Variants in TASOR2 observed in about 807,000 individuals in gnomAD.
The protein encoded by TASOR2 is transcription activation suppressor family member 2, also known as protein TASOR 2.
TASOR2 carries 84 observed loss-of-function variants against 199.5 expected under a neutral mutation model. That is an observed-to-expected ratio of 0.42 (90% CI 0.35 to 0.50). The LOEUF is 0.50. TASOR2 is among the 20% of genes least tolerant of loss of function. The pLI is 0.02. For synonymous variants in TASOR2, 1,103 were observed against 1,046.6 expected (o/e 1.05, Z -1.04); for missense variants, 2,796 against 2,835.9 (o/e 0.99, Z 0.32).
intron 3 of TASOR2, among the ~76,000 whole-genome samples, chr10:5,718,784 G>C (rs956559902): frequency 1.8e-4 from 28 of 151,568 alleles, no homozygotes; most frequent in African/African-American, 6.8e-4. Context: ...AAAAAGTGGT[G>C]GGGGAGTAAC....
intron 1 of TASOR2, among the ~76,000 whole-genome samples, chr10:5,697,373 C>G (rs186491036): frequency 1.3e-5 from 2 of 152,120 alleles, no homozygotes; most frequent in Non-Finnish European, 2.9e-5. Flanking sequence ...GATAAAGTTG[C>G]GCAGAAGAAG....
At position 5,748,616 on chromosome 10, in the gene TASOR2, C is replaced by T. The variant is rs200385091; in HGVS notation, c.5195C>T (p.Thr1732Met). 264 of 1,614,126 alleles carry T rather than the reference C, an allele frequency of 1.6e-4. 1 individual carries two copies. Among genetic ancestry groups the T allele is most frequent in the South Asian group, 1.2e-3 (107 of 91,078 alleles). Residue 1732 changes from threonine (T) to methionine (M), a missense_variant, in exon 15 of 21, where the codon ACG (threonine) becomes ATG (methionine). By Grantham distance (81) the Thr-to-Met change is moderately conservative. Around this residue, in one of 3 missense-constraint regions of TASOR2, gnomAD observed 1,941 missense variants for 1,924.9 expected, o/e 1.01. Coordinates refer to ENST00000328090, the Ensembl canonical transcript of TASOR2. The surrounding 1 kb of genome is among the most constrained non-coding windows in gnomAD (Gnocchi z 5.1). ...AAAGGTGAACGCAAAGCCATCCACA[C>T]GCTGCAAGATGTGTCAACATGTGAA... is the stretch of plus-strand genomic sequence containing the variant.
At chr10:5,761,383 T>C in exon 19 of TASOR2, 1 of 1,614,068 alleles carries the variant, frequency 6.2e-7, no homozygotes, top group Non-Finnish European at 8.5e-7. Context: ...AGTGTGACTC[T>C]CGATCATCAA....
intron 19 of TASOR2, 129 bp downstream of exon 20, chr10:5,761,600 C>G (rs1467101977): frequency 5.4e-6 from 4 of 747,328 alleles, no homozygotes; most frequent in African/African-American, 1.8e-5. Flanking sequence ...CCAGAATCAC[C>G]CAAATCTGCT....
In TASOR2 at chr10:5,690,748, A is replaced by G. The variant is rs1424282259; in HGVS notation, c.-288+5573A>G. ...TGCAATAAGTATATTAATGAATACG[A>G]TACAACCATTTTATACAGGCAAAAG... is the stretch of plus-strand genomic sequence containing the variant. On this transcript the variant is annotated intron_variant, in intron 1 of 20. Coordinates refer to ENST00000328090, the Ensembl canonical transcript of TASOR2. This position sits in a 1 kb window ranked among gnomAD's most constrained non-coding sequence, Gnocchi z 4.8. Among the ~76,000 whole-genome samples, 4 of 152,236 alleles carry G rather than the reference A, an allele frequency of 2.6e-5. No homozygotes were observed. The highest frequency in any genetic ancestry group is 5.9e-5 in the Non-Finnish European group (4 of 68,038).
Position 5,706,896 on chromosome 10 carries a change from G to A in TASOR2, c.-287-5927G>A, listed in dbSNP as rs1003927276. Among the ~76,000 whole-genome samples, 7 of 152,004 alleles carry A rather than the reference G, an allele frequency of 4.6e-5. No individual in the cohort carries two copies. Among genetic ancestry groups the A allele is most frequent in the African/African-American group, 1.5e-4 (6 of 41,366 alleles). The stretch of plus-strand genomic sequence containing the variant: ...TGGGCACTTGTAATCCCAGCTACAC[G>A]GGAGGCCGAGGCAAGAGAGTTGCTT... On this transcript the variant is annotated intron_variant, in intron 1 of 20. Transcript: ENST00000328090. The surrounding 1 kb of genome is among the most constrained non-coding windows in gnomAD (Gnocchi z 4.8).
chr10:5,717,365 G>C (rs1832791693), intron 2 of TASOR2, among the ~76,000 whole-genome samples: 1 of 151,676 alleles, frequency 6.6e-6, no homozygotes, highest in Admixed American at 6.6e-5. Context: ...CTCCCTACCT[G>C]AGTGACTTAT....
At chr10:5,724,080 T>G (rs1247246312) in intron 7 of TASOR2, among the ~76,000 whole-genome samples, 2 of 152,162 alleles carry the variant, frequency 1.3e-5, no homozygotes, top group Non-Finnish European at 2.9e-5. Context: ...AGGACAGAGT[T>G]TTTGTTGGTT....
intron 1 of TASOR2, among the ~76,000 whole-genome samples, chr10:5,704,743 C>G (rs909123965): frequency 6.6e-6 from 1 of 152,082 alleles, no homozygotes; most frequent in Non-Finnish European, 1.5e-5. Context: ...TTGAAATGAA[C>G]AGTTTCTTAT....
rs747404257 is a variant in TASOR2, at chr10:5,730,978, G to A, written c.979G>A (p.Glu327Lys). 1 of 1,614,054 alleles carries A rather than the reference G, an allele frequency of 6.2e-7. No individual in the cohort carries two copies. Among genetic ancestry groups the A allele is most frequent in the Non-Finnish European group, 8.5e-7 (1 of 1,180,016 alleles). Residue 327 changes from glutamate to lysine, a missense_variant, in exon 11 of 21, where the codon GAA becomes AAA. Around this residue, in one of 3 missense-constraint regions of TASOR2, gnomAD observed 847 missense variants for 887.4 expected, o/e 0.95. Coordinates refer to ENST00000328090, the Ensembl canonical transcript of TASOR2. This position sits in a 1 kb window ranked among gnomAD's most constrained non-coding sequence, Gnocchi z 4.1. The stretch of plus-strand genomic sequence containing the variant: ...AGAAACTGAAACAAAAAAGGATTCT[G>A]AAGAAATGTTGAAAGCAAAGAAGAG...
chr10:5,733,130 C>T (rs1173773109), intron 11 of TASOR2, among the ~76,000 whole-genome samples: 2 of 152,036 alleles, frequency 1.3e-5, no homozygotes, highest in Non-Finnish European at 2.9e-5. Flanking sequence ...TATTCCGGTA[C>T]CTACAAGTTC....
chr10:5,718,761 C>CAAA (rs35051277), intron 3 of TASOR2, among the ~76,000 whole-genome samples: 1 of 134,658 alleles, frequency 7.4e-6, no homozygotes, highest in African/African-American at 2.8e-5. Context: ...AACTCTGTCT[C>CAAA]AAAAAAAAAA....
intron 1 of TASOR2, among the ~76,000 whole-genome samples, chr10:5,694,175 T>C (rs1836853626): frequency 6.6e-6 from 1 of 151,838 alleles, no homozygotes; most frequent in East Asian, 1.9e-4. Flanking sequence ...GAAAAATCCA[T>C]GTAGCTGCCA....
At position 5,748,892 on chromosome 10, in the gene TASOR2, A is replaced by G. The variant is rs893717917; in HGVS notation, c.5471A>G (p.Tyr1824Cys). Residue 1824 changes from tyrosine to cysteine, a missense_variant, in exon 15 of 21, where the codon TAT (tyrosine) becomes TGT (cysteine). Physicochemically the swap from Tyr to Cys is radical, Grantham distance 194. Coordinates refer to ENST00000328090, the Ensembl canonical transcript of TASOR2. The surrounding 1 kb of genome is among the most constrained non-coding windows in gnomAD (Gnocchi z 5.1). ...GTCGGTGTGAATTCCGACATGCACT[A>G]TGAACTCTCTGGAGATTCTGATCTA... is the stretch of plus-strand genomic sequence containing the variant. 1.4e-5 allele frequency: 22 copies of G among 1,614,074 alleles called. No homozygotes were observed. The highest frequency in any genetic ancestry group is 1.6e-4 in the Middle Eastern group (1 of 6,084).
At position 5,688,326 on chromosome 10, in the gene TASOR2, A is replaced by G. The variant is rs1400984180; in HGVS notation, c.-288+3151A>G. ...TACAGCCTCCAACTCCTGGGTTCAA[A>G]CAATCCTGCCTCAGCCTCCTGAGTA... On this transcript the variant is annotated intron_variant, in intron 1 of 20. Coordinates refer to ENST00000328090, the Ensembl canonical transcript of TASOR2. Among the ~76,000 whole-genome samples the G allele has an allele frequency of 2.6e-5, 4 of 151,836 alleles. No homozygotes were observed. The East Asian group carries it at 7.7e-4, about 29-fold the overall frequency.
chr10:5,723,155 C>T (rs1588725649), intron 6 of TASOR2, among the ~76,000 whole-genome samples: 1 of 148,442 alleles, frequency 6.7e-6, no homozygotes, highest in East Asian at 2.1e-4. Context: ...GGGTTCACGC[C>T]ATTCTCCTGC....
In TASOR2 at chr10:5,742,674, A is replaced by G. The variant is rs994686973; in HGVS notation, c.2757+148A>G. The G allele has an allele frequency of 1.9e-5, 14 of 739,532 alleles. No individual in the cohort carries two copies. Among genetic ancestry groups the G allele is most frequent in the Admixed American group, 3.1e-5 (1 of 31,886 alleles). The allele number at this position is 739,532 out of a possible 1,614,324, so 45.8% of individuals were successfully genotyped here. On this transcript the variant is annotated intron_variant, in intron 14 of 20. Coordinates refer to ENST00000328090, the Ensembl canonical transcript of TASOR2. The surrounding 1 kb of genome is among the most constrained non-coding windows in gnomAD (Gnocchi z 4.2). ...TAAAGAACTATTACACCAAAAACCT[A>G]GTTTTCATGAAGTGTCCTTGAATTG...
At position 5,712,922 on chromosome 10, in the gene TASOR2, A is replaced by T. The variant is rs1832100214; in HGVS notation, c.-192+4A>T. ...TCTGTTTGATACTGAAAAGCAGGTA[A>T]GGGAATTAGGTTGTAGAAAATTAAT... On this transcript the variant is annotated splice_donor_region_variant and intron_variant, in intron 2 of 20. Transcript: ENST00000328090. 4.1e-6 allele frequency: 5 copies of T among 1,213,242 alleles called. No homozygotes were observed. Among genetic ancestry groups the T allele is most frequent in the Non-Finnish European group, 4.1e-6 (4 of 971,060 alleles). 75.2% of individuals were successfully genotyped at this position (1,213,242 alleles called of 1,614,324 possible). A position where few individuals can be genotyped will look rare whatever the true frequency, so the allele number is the denominator to read the frequency against.
Position 5,735,553 on chromosome 10 carries a change from A to C in TASOR2, c.1447+7A>C. The C allele has an allele frequency of 6.2e-7, 1 of 1,610,756 alleles. No homozygotes were observed. The highest frequency in any genetic ancestry group is 1.1e-5 in the South Asian group (1 of 90,374). ...AGAAAGCAGCTACAACCTGGTAAGA[A>C]ATACTCTTCCTATAAATTTAAACAC... On this transcript the variant is annotated splice_region_variant and intron_variant, in intron 12 of 20. Transcript: ENST00000328090.
Sources: gnomAD v4.1 joint callset for allele counts (sites outside exome capture counted in the v4.1 genomes callset) on GRCh38, gnomAD v4.1.1 for gene constraint, gnomAD v4.1.1 regional missense constraint, Gnocchi (gnomAD v3.1) non-coding constraint, MANE v1.5 for transcripts, NCBI Gene and HGNC (gene_info 2026-07-23, HGNC 2026-07-21) for gene names.